The following GRM1 variants were observed in gnomAD, a reference collection of about 807,000 sequenced individuals.
GRM1 encodes the protein metabotropic glutamate receptor 1.
Under a neutral mutation model 90.9 loss-of-function variants are expected in GRM1, and 33 were observed. The observed-to-expected ratio is 0.36, with a 90% CI of 0.28 to 0.49. The LOEUF (loss-of-function observed/expected upper bound fraction) is 0.49. Ranked by LOEUF, GRM1 falls within the 20% of genes least tolerant of loss-of-function variation. The pLI is 0.99. For synonymous variants in GRM1, 700 were observed against 613.2 expected (o/e 1.14, Z -2.09); for missense variants, 1,190 against 1,534.3 (o/e 0.78, Z 3.75).
chr6:146,062,977 A>T (rs1240983269), intron 1 of GRM1, among the ~76,000 whole-genome samples: 1 of 152,048 alleles, frequency 6.6e-6, no homozygotes, highest in Non-Finnish European at 1.5e-5. Flanking sequence ...TCTTTTATGG[A>T]TCCTTGCAGG....
At chr6:146,296,448 G>A (rs1783180693) in intron 2 of GRM1, among the ~76,000 whole-genome samples, 1 of 152,056 alleles carries the variant, frequency 6.6e-6, no homozygotes, top group Non-Finnish European at 1.5e-5. Context: ...TATTCTTTTA[G>A]CAATTTAAAA....
chr6:146,251,847 T>C (rs1781295927), intron 2 of GRM1, among the ~76,000 whole-genome samples: 1 of 152,214 alleles, frequency 6.6e-6, no homozygotes, highest in African/African-American at 2.4e-5. Context: ...TCTTTCTTGA[T>C]TTTGCCCAGC....
At chr6:146,120,991 G>A (rs1775965151) in intron 1 of GRM1, among the ~76,000 whole-genome samples, 1 of 152,080 alleles carries the variant, frequency 6.6e-6, no homozygotes, top group Non-Finnish European at 1.5e-5. Context: ...TCTATTGATT[G>A]GAATAGTTTC....
intron 2 of GRM1, among the ~76,000 whole-genome samples, chr6:146,263,307 T>A (rs976580914): frequency 1.3e-5 from 2 of 151,992 alleles, no homozygotes; most frequent in Non-Finnish European, 2.9e-5. Context: ...GTTTATTATA[T>A]AATTATAACT....
chr6:146,379,009 G>A (rs1776216288), intron 5 of GRM1, among the ~76,000 whole-genome samples: 1 of 152,146 alleles, frequency 6.6e-6, no homozygotes, highest in South Asian at 2.1e-4. Flanking sequence ...GAAACTGTGA[G>A]TCAAACCTTT....
At chr6:146,181,014 A>G (rs1778532502) in intron 2 of GRM1, among the ~76,000 whole-genome samples, 1 of 152,178 alleles carries the variant, frequency 6.6e-6, no homozygotes, top group South Asian at 2.1e-4. Flanking sequence ...GAAACGTATA[A>G]TTATAAGAGA....
At chr6:146,240,310 G>C (rs1212517910) in intron 2 of GRM1, among the ~76,000 whole-genome samples, 1 of 151,948 alleles carries the variant, frequency 6.6e-6, no homozygotes, top group East Asian at 1.9e-4. Flanking sequence ...TCACCCAAAA[G>C]GGTAAATTAA....
chr6:146,038,787 T>G (rs1790987038), intron 1 of GRM1, among the ~76,000 whole-genome samples: 1 of 151,972 alleles, frequency 6.6e-6, no homozygotes. Flanking sequence ...ACACATTTTA[T>G]AATTTGTTTG....
intron 7 of GRM1, among the ~76,000 whole-genome samples, chr6:146,415,973 C>G (rs1244837601): frequency 6.6e-6 from 1 of 152,122 alleles, no homozygotes; most frequent in Non-Finnish European, 1.5e-5. Context: ...CTACTAGAAA[C>G]AGGGTCTACT....
chr6:146,354,685 C>T (rs1785522635), intron 4 of GRM1, among the ~76,000 whole-genome samples: 1 of 152,092 alleles, frequency 6.6e-6, no homozygotes, highest in South Asian at 2.1e-4. Flanking sequence ...TGCTTTTGGT[C>T]CCTCTTGTAA....
intron 1 of GRM1, among the ~76,000 whole-genome samples, chr6:146,076,345 T>A (rs1278251314): frequency 6.6e-6 from 1 of 152,184 alleles, no homozygotes; most frequent in African/African-American, 2.4e-5. Flanking sequence ...GTCAGCCGTG[T>A]TGAGAATAAA....
chr6:146,028,442 G>C (rs1417135319), upstream of GRM1, among the ~76,000 whole-genome samples: 9 of 152,024 alleles, frequency 5.9e-5, no homozygotes, highest in Non-Finnish European at 1.5e-5. Context: ...GCCGCGGCGA[G>C]AGCAACCCGG....
chr6:146,415,513 A>G (rs1447646471), intron 7 of GRM1, among the ~76,000 whole-genome samples: 1 of 152,184 alleles, frequency 6.6e-6, no homozygotes, highest in Non-Finnish European at 1.5e-5. Flanking sequence ...CATCAACTGA[A>G]CATACGTTTA....
At chr6:146,387,663 G>T (rs889926708) in intron 6 of GRM1, among the ~76,000 whole-genome samples, 6 of 151,964 alleles carry the variant, frequency 3.9e-5, no homozygotes, top group African/African-American at 1.2e-4. Context: ...TGACACATTT[G>T]CAGAAAACCA....
At chr6:146,096,823 T>C (rs1413043904) in intron 1 of GRM1, among the ~76,000 whole-genome samples, 1 of 152,204 alleles carries the variant, frequency 6.6e-6, no homozygotes, top group Non-Finnish European at 1.5e-5. Context: ...AAGGAAAATT[T>C]GTTATAATTT....
chr6:146,190,062 A>G (rs1778886521), intron 2 of GRM1, among the ~76,000 whole-genome samples: 1 of 152,126 alleles, frequency 6.6e-6, no homozygotes, highest in Admixed American at 6.6e-5. Flanking sequence ...TCCACTGGGG[A>G]ACAGAATCTG....
At chr6:146,099,282 G>T (rs1011985163) in intron 1 of GRM1, among the ~76,000 whole-genome samples, 1 of 152,156 alleles carries the variant, frequency 6.6e-6, no homozygotes, top group Non-Finnish European at 1.5e-5. Context: ...AGCTACTCAG[G>T]AGGCTGAGCC....
At chr6:146,227,934 G>C (rs1280948535) in intron 2 of GRM1, among the ~76,000 whole-genome samples, 1 of 152,148 alleles carries the variant, frequency 6.6e-6, no homozygotes, top group African/African-American at 2.4e-5. Flanking sequence ...GAGTTCATTA[G>C]ATTTCTATAA....
intron 7 of GRM1, among the ~76,000 whole-genome samples, chr6:146,419,811 G>C (rs1286841406): frequency 6.6e-6 from 1 of 152,124 alleles, no homozygotes; most frequent in Non-Finnish European, 1.5e-5. Context: ...AAGGGGGAAG[G>C]GGGAAGCCTG....
Sources: allele counts gnomAD v4.1 joint callset (sites outside exome capture counted in the v4.1 genomes callset), GRCh38; gene constraint gnomAD v4.1.1; transcripts MANE v1.5; gene names NCBI Gene and HGNC (gene_info 2026-07-23, HGNC 2026-07-21).